The following ANO4 variants were observed in gnomAD, a reference collection of about 807,000 sequenced individuals.
The protein encoded by ANO4 is anoctamin-4.
ANO4 carries 69 observed loss-of-function variants against 141.9 expected under a neutral mutation model. The observed-to-expected ratio is 0.49, with a 90% CI of 0.40 to 0.59. The LOEUF (loss-of-function observed/expected upper bound fraction) is 0.59, where lower values mean the gene tolerates loss of function less well. Among genes scored for constraint, ANO4 ranks in the 20% least tolerant of loss-of-function variants. ANO4 has a pLI of 0.00. For synonymous variants in ANO4, 350 were observed against 394.3 expected (o/e 0.89, Z 1.33); for missense variants, 894 against 1,162.2 (o/e 0.77, Z 3.36).
chr12:100,996,068 G>A (rs1592961885), intron 8 of ANO4, among the ~76,000 whole-genome samples: 1 of 152,310 alleles, frequency 6.6e-6, no homozygotes, highest in Admixed American at 6.5e-5. Context: ...TTTGGCTTTA[G>A]TTCTGCTAAC....
chr12:101,015,762 C>G (rs949598861), intron 8 of ANO4, among the ~76,000 whole-genome samples: 1 of 152,088 alleles, frequency 6.6e-6, no homozygotes, highest in Non-Finnish European at 1.5e-5. Flanking sequence ...TATGAGTTTA[C>G]AAGCCAATGT....
At chr12:100,745,317 T>C (rs1311458605) in intron 3 of ANO4, among the ~76,000 whole-genome samples, 1 of 152,228 alleles carries the variant, frequency 6.6e-6, no homozygotes, top group Non-Finnish European at 1.5e-5. Flanking sequence ...TTCTTTCCCT[T>C]TTTGCCTCAG....
intron 1 of ANO4, among the ~76,000 whole-genome samples, chr12:100,728,712 T>C (rs1305426227): frequency 1.3e-5 from 2 of 152,246 alleles, no homozygotes; most frequent in Non-Finnish European, 2.9e-5. Context: ...CAGTAACTGA[T>C]GGTGTCTAAT....
At chr12:100,879,318 C>T (rs2039456594) in intron 1 of ANO4, among the ~76,000 whole-genome samples, 2 of 152,068 alleles carry the variant, frequency 1.3e-5, no homozygotes, top group African/African-American at 4.8e-5. Context: ...GGTAAAGGAA[C>T]AAGAAATTAA....
At chr12:101,030,592 T>C (rs7313935) in intron 9 of ANO4, among the ~76,000 whole-genome samples, 35,494 of 151,472 alleles carry the variant, frequency 0.23, 4,409 homozygotes, top group Non-Finnish European at 0.28. Flanking sequence ...AGCAAACTAA[T>C]CCAAAAGCTA....
chr12:100,911,934 G>A (rs2136067172), intron 2 of ANO4, among the ~76,000 whole-genome samples: 1 of 152,200 alleles, frequency 6.6e-6, no homozygotes, highest in East Asian at 1.9e-4. Context: ...TTGATATTCT[G>A]TTGTTTCCAA....
intron 22 of ANO4, among the ~76,000 whole-genome samples, chr12:101,102,763 T>G (rs2050239781): frequency 6.6e-6 from 1 of 152,146 alleles, no homozygotes; most frequent in Non-Finnish European, 1.5e-5. Flanking sequence ...TATAAAAATC[T>G]TACTGAAATA....
Position 100,806,523 on chromosome 12 carries a change from CGTTTTTTTTT to C in ANO4, c.-141+11497_-141+11506del, listed in dbSNP as rs2035042339. Among the ~76,000 whole-genome samples the C allele has an allele frequency of 9.8e-4, 44 of 44,980 alleles. 4 individuals carry two copies. The highest frequency in any genetic ancestry group is 2.6e-3 in the African/African-American group (36 of 13,674). The allele number at this position is 44,980 out of a possible 152,430, so 29.5% of individuals were successfully genotyped here. A position where few individuals can be genotyped will look rare whatever the true frequency, so the allele number is the denominator to read the frequency against. On this transcript the variant is annotated intron_variant, in intron 1 of 27. Transcript: ENST00000392977. ...TTTTTAGGAGGTTTTTTTTTTGTTT[CGTTTTTTTTT>C]TTTTTTTTTTTTTTTTTTTTTTTTT...
At chr12:100,742,224 G>A (rs948173197) in intron 3 of ANO4, among the ~76,000 whole-genome samples, 5 of 152,036 alleles carry the variant, frequency 3.3e-5, no homozygotes, top group Admixed American at 6.6e-5. Context: ...ATAGATGCTG[G>A]TATAGTTTTT....
chr12:101,069,004 G>A (rs1260178827), intron 14 of ANO4: 7 of 789,934 alleles, frequency 8.9e-6, no homozygotes, highest in African/African-American at 6.7e-5. Context: ...TCTGGATAAG[G>A]CCCAGTTTAA....
At chr12:100,872,457 G>A (rs1293974037) in intron 1 of ANO4, among the ~76,000 whole-genome samples, 2 of 152,128 alleles carry the variant, frequency 1.3e-5, no homozygotes, top group African/African-American at 4.8e-5. Flanking sequence ...ATATTTATGT[G>A]TCTAGGTAGC....
intron 3 of ANO4, among the ~76,000 whole-genome samples, chr12:100,927,766 G>A (rs962327136): frequency 6.6e-6 from 1 of 151,966 alleles, no homozygotes; most frequent in Non-Finnish European, 1.5e-5. Context: ...TTTGCTCCTA[G>A]TTTTTCCTTT....
chr12:100,905,450 T>C (rs2040801243), intron 2 of ANO4, among the ~76,000 whole-genome samples: 1 of 151,878 alleles, frequency 6.6e-6, no homozygotes, highest in African/African-American at 2.4e-5. Context: ...CAAAAGTTTA[T>C]CAAGAAGAGA....
At chr12:100,986,719 T>C (rs1176323092) in intron 7 of ANO4, among the ~76,000 whole-genome samples, 3 of 152,180 alleles carry the variant, frequency 2.0e-5, no homozygotes, top group South Asian at 4.1e-4. Flanking sequence ...GGTAGTGCTA[T>C]CATTTTAAAG....
intron 14 of ANO4, among the ~76,000 whole-genome samples, chr12:101,077,957 G>T (rs1461588754): frequency 6.6e-6 from 1 of 152,090 alleles, no homozygotes. Context: ...AGCACAGCTT[G>T]TATCTGATCT....
At chr12:100,998,206 C>A (rs1188213218) in intron 8 of ANO4, among the ~76,000 whole-genome samples, 1 of 152,130 alleles carries the variant, frequency 6.6e-6, no homozygotes, top group Non-Finnish European at 1.5e-5. Flanking sequence ...GCGAGACTGG[C>A]CTAGTCTCCT....
chr12:101,115,367 C>T (rs753019973), intron 24 of ANO4, among the ~76,000 whole-genome samples: 8 of 151,904 alleles, frequency 5.3e-5, no homozygotes, highest in Non-Finnish European at 8.8e-5. Flanking sequence ...GTGGGAGGAT[C>T]GTTTGAGCCT....
chr12:100,974,811 T>C, intron 6 of ANO4, 34 bp from the exon 7 acceptor site: 1 of 1,613,322 alleles, frequency 6.2e-7, no homozygotes, highest in Non-Finnish European at 8.5e-7. Context: ...ATGGGTTTTC[T>C]TCTCGACTGG....
intron 1 of ANO4, among the ~76,000 whole-genome samples, chr12:100,834,164 T>C (rs1032552568): frequency 2.6e-5 from 4 of 152,144 alleles, no homozygotes; most frequent in African/African-American, 9.6e-5. Context: ...CCGAGGTGAA[T>C]GAGCTCTGAC....
Sources: gnomAD v4.1 joint callset for allele counts (sites outside exome capture counted in the v4.1 genomes callset) on GRCh38, gnomAD v4.1.1 for gene constraint, MANE v1.5 for transcripts, NCBI Gene and HGNC (gene_info 2026-07-23, HGNC 2026-07-21) for gene names.